WWOX: variants seen among roughly 807,000 people sequenced by gnomAD.
WWOX encodes WW domain-containing oxidoreductase.
A neutral mutation model predicts 46.2 loss-of-function variants in WWOX; 69 were observed. The observed-to-expected ratio is 1.49, with a 90% CI of 1.23 to 1.82. The LOEUF is 1.82. Ranked by LOEUF, WWOX falls within the 40% of genes most tolerant of loss-of-function variation. WWOX has a pLI of 0.00. For synonymous variants in WWOX, 359 were observed against 202.6 expected, an observed-to-expected ratio of 1.77 and a Z score of -6.56; for missense variants, 919 against 542.6, an observed-to-expected ratio of 1.69 and a Z score of -6.89.
chr16:78,792,415 T>G (rs73575634), intron 8 of WWOX, among the ~76,000 whole-genome samples: 3,237 of 152,292 alleles, frequency 0.021, 109 homozygotes, highest in African/African-American at 0.073. Context: ...GATGGCTTCC[T>G]ATTGCTTCTT....
intron 8 of WWOX, among the ~76,000 whole-genome samples, chr16:78,453,292 C>T (rs1048487712): frequency 2.6e-5 from 4 of 151,646 alleles, no homozygotes; most frequent in Admixed American, 1.3e-4. Context: ...GGCATGGTAG[C>T]GGTGCCTGTA....
intron 8 of WWOX, among the ~76,000 whole-genome samples, chr16:78,611,801 TGTC>T (rs2045906994): frequency 6.6e-6 from 1 of 152,124 alleles, no homozygotes; most frequent in Admixed American, 6.5e-5. Context: ...AACGTATTGT[TGTC>T]AAGGAAAGGA....
chr16:79,100,115 C>T (rs1006518534), intron 8 of WWOX, among the ~76,000 whole-genome samples: 1 of 152,178 alleles, frequency 6.6e-6, no homozygotes. Flanking sequence ...ATAAGGGCTT[C>T]AATCACATCT....
intron 8 of WWOX, among the ~76,000 whole-genome samples, chr16:78,582,599 A>G (rs2045088172): frequency 6.6e-6 from 1 of 152,164 alleles, no homozygotes; most frequent in African/African-American, 2.4e-5. Context: ...ACCTTTACAA[A>G]ACTGTCATCA....
At chr16:78,782,088 G>C (rs1008851319) in intron 8 of WWOX, among the ~76,000 whole-genome samples, 1 of 152,156 alleles carries the variant, frequency 6.6e-6, no homozygotes, top group African/African-American at 2.4e-5. Context: ...AGAAATAGAT[G>C]AAGCTGTTAC....
chr16:78,682,253 A>G (rs2047747006), intron 8 of WWOX, among the ~76,000 whole-genome samples: 1 of 152,208 alleles, frequency 6.6e-6, no homozygotes, highest in Admixed American at 6.5e-5. Context: ...GTCATGAAAT[A>G]ACAATCTTCT....
At chr16:78,367,500 C>A (rs2081565653) in intron 5 of WWOX, among the ~76,000 whole-genome samples, 1 of 151,914 alleles carries the variant, frequency 6.6e-6, no homozygotes, top group Non-Finnish European at 1.5e-5. Flanking sequence ...CCAGTGTCAC[C>A]CAGGGAAGCC....
At chr16:78,593,948 G>T (rs774378350) in intron 8 of WWOX, among the ~76,000 whole-genome samples, 10 of 152,080 alleles carry the variant, frequency 6.6e-5, no homozygotes, top group Non-Finnish European at 2.9e-5. Context: ...CTTAGTTTGC[G>T]TCTTTGTCCC....
intron 8 of WWOX, among the ~76,000 whole-genome samples, chr16:78,640,361 A>G (rs542601387): frequency 8.6e-5 from 13 of 150,882 alleles, no homozygotes; most frequent in African/African-American, 3.2e-4. Context: ...GTGCCACTCA[A>G]GTCGGCCGCT....
At chr16:79,205,876 T>G (rs449842) in intron 8 of WWOX, 1 of 151,932 alleles carries the variant, frequency 6.6e-6, no homozygotes, top group African/African-American at 2.4e-5. Flanking sequence ...CGCACCTACA[T>G]GCGTGGGAAC....
intron 8 of WWOX, among the ~76,000 whole-genome samples, chr16:79,109,219 C>G (rs2049369064): frequency 6.6e-6 from 1 of 152,168 alleles, no homozygotes; most frequent in African/African-American, 2.4e-5. Context: ...TTCCTTTGTC[C>G]CTTTTGCCGC....
rs922574867 is a variant in WWOX, at chr16:78,256,572, C to T, written c.516+92283C>T. ...CTCTCCTGGCCTCAATTAACTGAGG[C>T]CAGGAGAGGGTCATTAGCAAACTGT... is the stretch of plus-strand genomic sequence containing the variant. On this transcript the variant is annotated intron_variant, in intron 5 of 8. Transcript: ENST00000566780. Among the ~76,000 whole-genome samples the T allele has an allele frequency of 2.2e-4, 33 of 151,612 alleles. 1 individual carries two copies. The highest frequency in any genetic ancestry group is 2.9e-5 in the Non-Finnish European group (2 of 67,898).
At chr16:78,763,153 A>G (rs1307505564) in intron 8 of WWOX, among the ~76,000 whole-genome samples, 1 of 152,232 alleles carries the variant, frequency 6.6e-6, no homozygotes, top group African/African-American at 2.4e-5. Flanking sequence ...TGAAAGCGTT[A>G]CAGTCAAGGG....
At chr16:78,482,239 T>G (rs1450697423) in intron 8 of WWOX, among the ~76,000 whole-genome samples, 17 of 152,126 alleles carry the variant, frequency 1.1e-4, no homozygotes, top group Admixed American at 1.1e-3. Context: ...TCCATAATTT[T>G]TTTTATTATT....
intron 5 of WWOX, among the ~76,000 whole-genome samples, chr16:78,309,624 C>A (rs1293661333): frequency 6.6e-6 from 1 of 152,182 alleles, no homozygotes; most frequent in Non-Finnish European, 1.5e-5. Context: ...GTTCCCAGGA[C>A]CCCTTGAGAC....
At chr16:78,534,636 T>A (rs1322331378) in intron 8 of WWOX, 1 of 152,192 alleles carries the variant, frequency 6.6e-6, no homozygotes, top group Non-Finnish European at 1.5e-5. Context: ...CCCACCTTAT[T>A]CTAAATAATG....
intron 6 of WWOX, among the ~76,000 whole-genome samples, chr16:78,389,695 A>T (rs1480839575): frequency 2.0e-5 from 3 of 152,140 alleles, no homozygotes; most frequent in Non-Finnish European, 2.9e-5. Flanking sequence ...GGGCCGATTT[A>T]GCCTCTTCAC....
chr16:78,848,192 A>C (rs908799818), intron 8 of WWOX, among the ~76,000 whole-genome samples: 20 of 152,194 alleles, frequency 1.3e-4, no homozygotes, highest in African/African-American at 4.6e-4. Context: ...ATATCCAGCA[A>C]ATGCCAATGA....
intron 8 of WWOX, among the ~76,000 whole-genome samples, chr16:78,767,486 G>T (rs906392313): frequency 1.3e-4 from 19 of 144,732 alleles, no homozygotes; most frequent in Admixed American, 6.8e-5. Context: ...GTGTGTCTGT[G>T]TGTGTGTGTG....
Sources: allele counts gnomAD v4.1 joint callset (sites outside exome capture counted in the v4.1 genomes callset), GRCh38; gene constraint gnomAD v4.1.1; transcripts MANE v1.5; gene names NCBI Gene and HGNC (gene_info 2026-07-23, HGNC 2026-07-21).